The following SLCO4A1 variants were observed in gnomAD, a reference collection of about 807,000 sequenced individuals.
The protein encoded by SLCO4A1 is colon organic anion transporter.
SLCO4A1 carries 51 observed loss-of-function variants against 64.6 expected under a neutral mutation model. The observed-to-expected ratio is 0.79, with a 90% CI of 0.63 to 1.00. The LOEUF (loss-of-function observed/expected upper bound fraction) is 1.00, where lower values mean the gene tolerates loss of function less well. Among genes scored for constraint, SLCO4A1 ranks in the 50% least tolerant of loss-of-function variants. SLCO4A1 has a pLI of 0.00. For missense variants in SLCO4A1, 919 were observed against 980.5 expected (o/e 0.94, Z 0.84); for synonymous variants, 471 against 444.9 (o/e 1.06, Z -0.74).
chr20:62,656,277 T>C (rs912974569), intron 1 of SLCO4A1, 82 bp from the exon 2 acceptor site: 1 of 592,140 alleles, frequency 1.7e-6, no homozygotes, highest in African/African-American at 1.9e-5. Context: ...ACCCCCGTGA[T>C]GGGTGTGCTG....
intron 3 of SLCO4A1, 36 bp from the exon 4 acceptor site, chr20:62,660,376 T>C (rs758339522): frequency 5.7e-6 from 9 of 1,592,258 alleles, no homozygotes; most frequent in Middle Eastern, 1.7e-4. Context: ...ACAGGTGGGC[T>C]GCACGCTGAC....
chr20:62,688,449 C>A (rs1988134722), downstream of SLCO4A1, among the ~76,000 whole-genome samples: 1 of 152,222 alleles, frequency 6.6e-6, no homozygotes. Flanking sequence ...TGTAGCCCCA[C>A]CAGGTTCTTA....
At chr20:62,679,634 A>G (rs1987740583) in intron 2 of SLCO4A1, among the ~76,000 whole-genome samples, 1 of 152,226 alleles carries the variant, frequency 6.6e-6, no homozygotes, top group African/African-American at 2.4e-5. Flanking sequence ...AAGTGCTGGG[A>G]TTACAGATGT....
At chr20:62,680,860 T>TAA (rs765826901) in intron 2 of SLCO4A1, among the ~76,000 whole-genome samples, 11 of 152,208 alleles carry the variant, frequency 7.2e-5, no homozygotes, top group Non-Finnish European at 1.6e-4. Flanking sequence ...CTGGTTCTGG[T>TAA]ATATGGGTAA....
intron 6 of SLCO4A1, chr20:62,665,447 T>G (rs1985963621): frequency 5.2e-6 from 1 of 192,462 alleles, no homozygotes; most frequent in African/African-American, 2.3e-5. Flanking sequence ...ACAGTGCAGC[T>G]GGGGGTTTCT....
chr20:62,655,855 TAAGG>T (rs1053189609), intron 1 of SLCO4A1, among the ~76,000 whole-genome samples: 3 of 152,140 alleles, frequency 2.0e-5, no homozygotes, highest in African/African-American at 7.2e-5. Context: ...GGTGTGAACT[TAAGG>T]AAGAACAAGG....
chr20:62,675,264 G>A (rs1348059870), downstream of SLCO4A1, among the ~76,000 whole-genome samples: 6 of 152,278 alleles, frequency 3.9e-5, no homozygotes, highest in Non-Finnish European at 7.4e-5. Flanking sequence ...CTCCCTGCCG[G>A]CAGTGAGACT....
At chr20:62,680,135 C>G (rs373730076) in intron 2 of SLCO4A1, among the ~76,000 whole-genome samples, 1 of 152,186 alleles carries the variant, frequency 6.6e-6, no homozygotes, top group African/African-American at 2.4e-5. Flanking sequence ...GTTCAACGTT[C>G]GTAGAAACTG....
At chr20:62,685,997 C>T (rs6011649), downstream of SLCO4A1, among the ~76,000 whole-genome samples, 57,045 of 151,986 alleles carry the variant, frequency 0.38, 11,080 homozygotes, top group African/African-American at 0.44. This position sits in a 1 kb window ranked among gnomAD's most constrained non-coding sequence, Gnocchi z 4.6. Flanking sequence ...TGATGAGAGC[C>T]GCTGAATTAG....
chr20:62,673,801 C>T (rs57279839), downstream of SLCO4A1, among the ~76,000 whole-genome samples: 30,848 of 148,800 alleles, frequency 0.21, 5,373 homozygotes, highest in African/African-American at 0.28. Context: ...ACTGCAGACA[C>T]ATCAGAGACC....
rs1988008799 is a variant in SLCO4A1 at position 62,685,110 on chromosome 20, G to T, written n.212-331G>T. Among the ~76,000 whole-genome samples the T allele has an allele frequency of 6.6e-6, 1 of 152,016 alleles. No homozygotes were observed. The highest frequency in any genetic ancestry group is 2.4e-5 in the African/African-American group (1 of 41,360). On this transcript the variant is annotated intron_variant and non_coding_transcript_variant, in intron 2 of 2. Coordinates refer to the SLCO4A1 transcript ENST00000466818. This position sits in a 1 kb window ranked among gnomAD's most constrained non-coding sequence, Gnocchi z 4.6. Reference sequence around the variant, plus strand: ...ATGGAGGTTGGGGCACGTGTGACCAGCCAGGGTCATAAAACACACATGGTC... The same window carrying T: ...ATGGAGGTTGGGGCACGTGTGACCATCCAGGGTCATAAAACACACATGGTC...
intron 2 of SLCO4A1, among the ~76,000 whole-genome samples, chr20:62,678,024 G>A (rs906752256): frequency 9.9e-5 from 15 of 152,244 alleles, no homozygotes; most frequent in African/African-American, 3.4e-4. Context: ...GGCCTCTGCT[G>A]TCAGTAAAGG....
At position 62,661,342 on chromosome 20, in the gene SLCO4A1, C is replaced by T. The variant is rs545095383; in HGVS notation, c.1121+167C>T. Among the ~76,000 whole-genome samples the T allele has an allele frequency of 2.6e-5, 4 of 152,132 alleles. No individual in the cohort carries two copies. Among genetic ancestry groups the T allele is most frequent in the African/African-American group, 7.2e-5 (3 of 41,422 alleles). ...AGGAGCAACAGATAGAGCCTCTGGG[C>T]CAGGGGCCGCAGACCCCGCCTCAGG... On this transcript the variant is annotated intron_variant, in intron 5 of 11. Coordinates refer to ENST00000217159, the MANE Select transcript of SLCO4A1 (RefSeq NM_016354.4). This position sits in a 1 kb window ranked among gnomAD's most constrained non-coding sequence, Gnocchi z 5.2.
chr20:62,681,332 C>T (rs4809492), intron 2 of SLCO4A1, among the ~76,000 whole-genome samples: 115,611 of 152,286 alleles, frequency 0.76, 44,157 homozygotes, highest in African/African-American at 0.81. Flanking sequence ...ACAGCCAGCC[C>T]ATCAACCTTA....
chr20:62,685,732 TATA>T lies in SLCO4A1; in HGVS notation n.508_510del, dbSNP rs1483615554. The T allele has an allele frequency of 2.6e-5, 4 of 152,168 alleles. No individual in the cohort carries two copies. Among genetic ancestry groups the T allele is most frequent in the African/African-American group, 9.7e-5 (4 of 41,400 alleles). The allele number at this position is 152,168 out of a possible 1,614,324, so 9.4% of individuals were successfully genotyped here. ...GCACACTCATATAGAATTAAGATCTTATAATAAGTGTGCAGATGCGCCCGTTCT... is the reference window on the plus strand; with the variant it reads ...GCACACTCATATAGAATTAAGATCTTATAAGTGTGCAGATGCGCCCGTTCT... On this transcript the variant is annotated non_coding_transcript_exon_variant, in exon 3 of 3. Transcript: ENST00000466818. The surrounding 1 kb of genome is among the most constrained non-coding windows in gnomAD (Gnocchi z 4.6).
chr20:62,680,858 G>C (rs934027462), intron 2 of SLCO4A1, among the ~76,000 whole-genome samples: 1 of 152,156 alleles, frequency 6.6e-6, no homozygotes, highest in African/African-American at 2.4e-5. Context: ...ATCTGGTTCT[G>C]GTATATGGGT....
downstream of SLCO4A1, among the ~76,000 whole-genome samples, chr20:62,689,653 C>T (rs1988169470): frequency 6.6e-6 from 1 of 152,208 alleles, no homozygotes; most frequent in African/African-American, 2.4e-5. Flanking sequence ...GGGGACCGCC[C>T]CTTTCCAAAG....
At chr20:62,679,926 T>G (rs1341357568) in intron 2 of SLCO4A1, among the ~76,000 whole-genome samples, 1 of 152,172 alleles carries the variant, frequency 6.6e-6, no homozygotes, top group Non-Finnish European at 1.5e-5. Context: ...CTGCAGTGGA[T>G]CTTGAGGGTA....
At chr20:62,673,256 G>T (rs1042816923), downstream of SLCO4A1, among the ~76,000 whole-genome samples, 3 of 129,710 alleles carry the variant, frequency 2.3e-5, 1 homozygote, top group Non-Finnish European at 5.0e-5. Context: ...GGGAGTGCAG[G>T]AACAGACCCT....
Sources: allele counts gnomAD v4.1 joint callset (sites outside exome capture counted in the v4.1 genomes callset), GRCh38; gene constraint gnomAD v4.1.1; non-coding constraint Gnocchi (gnomAD v3.1); transcripts MANE v1.5; gene names NCBI Gene and HGNC (gene_info 2026-07-23, HGNC 2026-07-21).